CACNB2: variants seen among roughly 807,000 people sequenced by gnomAD.
CACNB2 encodes the protein voltage-dependent L-type calcium channel subunit beta-2.
In CACNB2, 42 loss-of-function variants were observed where a neutral mutation model predicts 73.3. The ratio of observed to expected loss-of-function variants is 0.57; its 90% CI spans 0.45 to 0.74. The LOEUF (loss-of-function observed/expected upper bound fraction) is 0.74. CACNB2 is among the 30% of genes least tolerant of loss of function. The probability of loss-of-function intolerance (pLI) is 0.00; values close to 1 mark genes in which losing one functional copy is unlikely to be tolerated. For missense variants in CACNB2, 940 were observed against 853.0 expected (o/e 1.10, Z -1.27); for synonymous variants, 348 against 310.3 (o/e 1.12, Z -1.28).
chr10:18,379,182 C>T lies in CACNB2; in HGVS notation c.214-22742C>T, dbSNP rs528038682. Among the ~76,000 whole-genome samples the T allele has an allele frequency of 2.6e-5, 4 of 152,076 alleles. No homozygotes were observed. In the South Asian group the frequency reaches 8.3e-4, roughly 32 times the overall value. The stretch of plus-strand genomic sequence containing the variant: ...AAAACATACATAATATAAAATTTGC[C>T]ATTTTAACCACTTCTATTTATTTTT... On this transcript the variant is annotated intron_variant, in intron 2 of 13. Transcript: ENST00000324631.
At chr10:18,356,070 C>T (rs2041897871) in intron 2 of CACNB2, among the ~76,000 whole-genome samples, 1 of 152,202 alleles carries the variant, frequency 6.6e-6, no homozygotes, top group Admixed American at 6.5e-5. Context: ...AGGCTGCAGG[C>T]CCCTGGAGGT....
chr10:18,251,160 G>C (rs1222840930), intron 2 of CACNB2, among the ~76,000 whole-genome samples: 2 of 152,126 alleles, frequency 1.3e-5, no homozygotes, highest in Non-Finnish European at 2.9e-5. Context: ...TTGGGAGCTA[G>C]ATTTTTACAG....
At chr10:18,312,579 T>A (rs2040002618) in intron 2 of CACNB2, among the ~76,000 whole-genome samples, 1 of 152,128 alleles carries the variant, frequency 6.6e-6, no homozygotes, top group East Asian at 1.9e-4. Context: ...GTCCTTTAAG[T>A]GTGTGTGTTT....
chr10:18,517,281 A>T (rs1001193746), intron 7 of CACNB2, among the ~76,000 whole-genome samples: 2 of 152,182 alleles, frequency 1.3e-5, no homozygotes, highest in African/African-American at 2.4e-5. Context: ...TATCACTCTT[A>T]TGCATTTTTT....
chr10:18,289,281 C>CTTTTTTT (rs1564407541), intron 2 of CACNB2, among the ~76,000 whole-genome samples: 2 of 96,942 alleles, frequency 2.1e-5, no homozygotes, highest in African/African-American at 1.1e-4. Context: ...ATTTTTTTTT[C>CTTTTTTT]TTGTTTTTTT....
At chr10:18,367,133 T>G (rs566981584) in intron 2 of CACNB2, among the ~76,000 whole-genome samples, 1 of 152,218 alleles carries the variant, frequency 6.6e-6, no homozygotes, top group Non-Finnish European at 1.5e-5. Flanking sequence ...ATCATTTTTT[T>G]AACCATTTCC....
chr10:18,255,729 G>A (rs914355409), intron 2 of CACNB2, among the ~76,000 whole-genome samples: 2 of 152,182 alleles, frequency 1.3e-5, no homozygotes, highest in East Asian at 1.9e-4. Flanking sequence ...AGTTGCAGAC[G>A]TACTGTGAAG....
chr10:18,272,419 G>T (rs376542783), intron 2 of CACNB2, among the ~76,000 whole-genome samples: 1 of 152,158 alleles, frequency 6.6e-6, no homozygotes, highest in East Asian at 1.9e-4. Context: ...TTCAGAGAGG[G>T]TGGATAATAT....
chr10:18,254,558 C>CA (rs1178111502), intron 2 of CACNB2, among the ~76,000 whole-genome samples: 9 of 151,252 alleles, frequency 6.0e-5, no homozygotes, highest in Non-Finnish European at 7.4e-5. Context: ...AAACAAAAAC[C>CA]AAAAAAAATC....
intron 2 of CACNB2, among the ~76,000 whole-genome samples, chr10:18,221,236 G>A (rs549441958): frequency 3.2e-4 from 48 of 152,252 alleles, no homozygotes; most frequent in South Asian, 1.5e-3. Context: ...ATATAAATTC[G>A]TTCCAAAGGC....
At chr10:18,505,052 A>G (rs981245628) in intron 5 of CACNB2, among the ~76,000 whole-genome samples, 2 of 152,202 alleles carry the variant, frequency 1.3e-5, no homozygotes, top group Non-Finnish European at 2.9e-5. Context: ...CTCAATGGAA[A>G]TGGAATTGGG....
intron 3 of CACNB2, among the ~76,000 whole-genome samples, chr10:18,428,600 C>T (rs898537822): frequency 1.3e-4 from 20 of 151,500 alleles, no homozygotes; most frequent in Middle Eastern, 3.4e-3. Flanking sequence ...GTATGAGAAT[C>T]GCTTGAATTC....
At chr10:18,489,548 C>T (rs143104629) in intron 3 of CACNB2, among the ~76,000 whole-genome samples, 62 of 151,740 alleles carry the variant, frequency 4.1e-4, no homozygotes, top group African/African-American at 1.4e-3. Flanking sequence ...ATAGCTGAGA[C>T]TACAAGCGTG....
At chr10:18,480,398 G>C (rs1393660483) in intron 3 of CACNB2, among the ~76,000 whole-genome samples, 2 of 152,098 alleles carry the variant, frequency 1.3e-5, no homozygotes, top group African/African-American at 4.8e-5. Context: ...ATAGTTATCT[G>C]TGGTAAGTAC....
chr10:18,494,564 G>A (rs546662804), intron 3 of CACNB2, among the ~76,000 whole-genome samples: 69 of 151,324 alleles, frequency 4.6e-4, no homozygotes, highest in African/African-American at 1.7e-3. Context: ...CCCAGGAGGC[G>A]GAGTTTGCAG....
At chr10:18,166,757 G>A (rs2032883444) in intron 2 of CACNB2, among the ~76,000 whole-genome samples, 1 of 152,128 alleles carries the variant, frequency 6.6e-6, no homozygotes, top group Non-Finnish European at 1.5e-5. Flanking sequence ...GGTAGGGGGA[G>A]CGGGGAGGGA....
At position 18,335,172 on chromosome 10, in the gene CACNB2, A is replaced by C. The variant is rs141997844; in HGVS notation, c.214-66752A>C. 2.6e-3 allele frequency among the ~76,000 whole-genome samples: 400 copies of C among 152,282 alleles called. 2 individuals carry two copies. The highest frequency in any genetic ancestry group is 9.3e-3 in the African/African-American group (388 of 41,564). ...CGTTGGATATGGACTTAACCACTTA[A>C]ATTAAGATAGCCTTTCTTTTTCTAT... is the stretch of plus-strand genomic sequence containing the variant. On this transcript the variant is annotated intron_variant, in intron 2 of 13. Coordinates refer to ENST00000324631, the MANE Select transcript of CACNB2 (RefSeq NM_201596.3).
intron 3 of CACNB2, among the ~76,000 whole-genome samples, chr10:18,479,612 TG>T (rs1379490269): frequency 6.6e-6 from 1 of 152,178 alleles, no homozygotes; most frequent in Non-Finnish European, 1.5e-5. Flanking sequence ...GATTGGATCA[TG>T]GGGGTGGATT....
At chr10:18,449,678 C>A (rs79917876) in intron 3 of CACNB2, among the ~76,000 whole-genome samples, 1 of 152,202 alleles carries the variant, frequency 6.6e-6, no homozygotes, top group Non-Finnish European at 1.5e-5. Flanking sequence ...AAGCCAGGAA[C>A]GGAGTCCGAG....
Sources: allele counts gnomAD v4.1 joint callset (sites outside exome capture counted in the v4.1 genomes callset), GRCh38; gene constraint gnomAD v4.1.1; transcripts MANE v1.5; gene names NCBI Gene and HGNC (gene_info 2026-07-23, HGNC 2026-07-21).